The following SLIT3 variants were observed in gnomAD, a reference collection of about 807,000 sequenced individuals.
SLIT3 encodes the protein slit guidance ligand 3, also known as slit homolog 3 protein.
In SLIT3, 68 loss-of-function variants were observed where a neutral mutation model predicts 184.0. The observed-to-expected ratio is 0.37, with a 90% CI of 0.30 to 0.45. SLIT3 has a LOEUF of 0.45. Ranked by LOEUF, SLIT3 falls within the 20% of genes least tolerant of loss-of-function variation. The probability of loss-of-function intolerance (pLI) is 1.00; values close to 1 mark genes in which losing one functional copy is unlikely to be tolerated. For synonymous variants in SLIT3, 831 were observed against 828.6 expected, an observed-to-expected ratio of 1.00 and a Z score of -0.05; for missense variants, 1,707 against 2,026.0, an observed-to-expected ratio of 0.84 and a Z score of 3.02.
chr5:169,161,826 G>T (rs1215133092), intron 4 of SLIT3, among the ~76,000 whole-genome samples: 1 of 152,080 alleles, frequency 6.6e-6, no homozygotes, highest in Non-Finnish European at 1.5e-5. Flanking sequence ...CTGGATTATA[G>T]CCCAGCTCTG....
intron 4 of SLIT3, among the ~76,000 whole-genome samples, chr5:169,190,632 G>A (rs1483801578): frequency 6.6e-6 from 1 of 152,134 alleles, no homozygotes; most frequent in Non-Finnish European, 1.5e-5. Flanking sequence ...GAAATATTAA[G>A]TAGTTTTGCC....
Position 169,021,554 on chromosome 5 carries a change from T to A in SLIT3, c.414-138218A>T, listed in dbSNP as rs183066541. 8.6e-4 allele frequency among the ~76,000 whole-genome samples: 131 copies of A among 152,246 alleles called. 1 individual carries two copies. Among genetic ancestry groups the A allele is most frequent in the African/African-American group, 3.1e-3 (127 of 41,556 alleles). ...TTAGTAGAGACGGGGTTTCACCATG[T>A]TGGCCAGGCTGGTCTCGAACTCCTG... On this transcript the variant is annotated intron_variant, in intron 4 of 35. Transcript: ENST00000519560.
rs1335684066 is a variant in SLIT3 at position 169,295,043 on chromosome 5, T to C, written c.197+5470A>G. Among the ~76,000 whole-genome samples the C allele has an allele frequency of 2.0e-5, 3 of 152,330 alleles. 1 individual carries two copies. The highest frequency in any genetic ancestry group is 4.8e-5 in the African/African-American group (2 of 41,576). On this transcript the variant is annotated intron_variant, in intron 1 of 35. Coordinates refer to ENST00000519560, the MANE Select transcript of SLIT3 (RefSeq NM_003062.4). ...TCAGTGAGTGAGTGCTGAGTGAATG[T>C]GAAGGCCTAGGACATTACTGTACAC...
At chr5:168,746,912 T>C (rs1754481733) in intron 20 of SLIT3, among the ~76,000 whole-genome samples, 3 of 78,352 alleles carry the variant, frequency 3.8e-5, no homozygotes, top group Non-Finnish European at 5.0e-5. Context: ...GTGAGTGTGG[T>C]GGTGTGGGTG....
intron 4 of SLIT3, among the ~76,000 whole-genome samples, chr5:169,162,557 C>G (rs912874244): frequency 2.6e-5 from 4 of 152,152 alleles, no homozygotes; most frequent in Non-Finnish European, 5.9e-5. Flanking sequence ...AAAGCATATT[C>G]CCTAATTATC....
rs1554130340 is a variant in SLIT3, at chr5:168,666,157, C to CTATT, written c.*293_*296dup. On this transcript the variant is annotated 3_prime_UTR_variant, in exon 36 of 36. Coordinates refer to ENST00000519560, the MANE Select transcript of SLIT3 (RefSeq NM_003062.4). ...ATTTTTTTCTTAAATTTTTAAACAGCTATTTTTAAAAACACAACAAATACA... is the reference window on the plus strand; with the variant it reads ...ATTTTTTTCTTAAATTTTTAAACAGCTATTTATTTTTAAAAACACAACAAATACA... The CTATT allele has an allele frequency of 2.1e-5, 5 of 239,588 alleles. No homozygotes were observed. Among genetic ancestry groups the CTATT allele is most frequent in the African/African-American group, 8.9e-5 (4 of 44,852 alleles). 14.8% of individuals were successfully genotyped at this position (239,588 alleles called of 1,614,324 possible). A position where few individuals can be genotyped will look rare whatever the true frequency, so the allele number is the denominator to read the frequency against.
chr5:168,938,223 A>T (rs889190093), intron 4 of SLIT3, among the ~76,000 whole-genome samples: 2 of 152,340 alleles, frequency 1.3e-5, no homozygotes, highest in East Asian at 3.9e-4. Flanking sequence ...TTCTGGCTAA[A>T]TACTAGGCAA....
intron 10 of SLIT3, among the ~76,000 whole-genome samples, chr5:168,794,174 T>G (rs1317261011): frequency 2.0e-5 from 3 of 152,122 alleles, no homozygotes; most frequent in East Asian, 3.9e-4. Flanking sequence ...ATCAGCCTCG[T>G]GTGGAAGGAA....
intron 4 of SLIT3, among the ~76,000 whole-genome samples, chr5:169,044,591 G>GC (rs1182294333): frequency 6.6e-6 from 1 of 151,604 alleles, no homozygotes; most frequent in Non-Finnish European, 1.5e-5. Flanking sequence ...GGAAGGTGGG[G>GC]GGGGGGATGG....
chr5:168,975,618 G>T (rs1362317080), intron 4 of SLIT3, among the ~76,000 whole-genome samples: 1 of 152,128 alleles, frequency 6.6e-6, no homozygotes, highest in Non-Finnish European at 1.5e-5. Flanking sequence ...TGTATAGAAG[G>T]AAGGAGATTT....
chr5:169,228,756 G>C (rs1282281836), intron 3 of SLIT3, among the ~76,000 whole-genome samples: 1 of 152,076 alleles, frequency 6.6e-6, no homozygotes, highest in Non-Finnish European at 1.5e-5. Flanking sequence ...TTCCTAGTTA[G>C]AACCTTAATT....
At chr5:168,834,735 G>A (rs1167566951) in intron 6 of SLIT3, among the ~76,000 whole-genome samples, 3 of 146,640 alleles carry the variant, frequency 2.0e-5, no homozygotes, top group Non-Finnish European at 4.5e-5. Flanking sequence ...AGATGGAGGT[G>A]GAAGGTGAGG....
chr5:168,973,976 C>T (rs969565195), intron 4 of SLIT3, among the ~76,000 whole-genome samples: 1 of 152,150 alleles, frequency 6.6e-6, no homozygotes. Flanking sequence ...ATGAAAAATA[C>T]GGGTAACTAG....
At chr5:168,941,569 T>C (rs796897439) in intron 4 of SLIT3, among the ~76,000 whole-genome samples, 5 of 152,342 alleles carry the variant, frequency 3.3e-5, no homozygotes, top group African/African-American at 1.2e-4. Flanking sequence ...ATTCTCCTTA[T>C]CATACATTTG....
At chr5:168,883,378 G>T in intron 4 of SLIT3, 42 bp from the exon 5 acceptor site, 1 of 1,472,548 alleles carries the variant, frequency 6.8e-7, no homozygotes, top group Non-Finnish European at 9.5e-7. Context: ...AAAGACCCAG[G>T]CTGTCTTGAT....
At chr5:169,142,036 C>G (rs924421411) in intron 4 of SLIT3, among the ~76,000 whole-genome samples, 6 of 146,032 alleles carry the variant, frequency 4.1e-5, no homozygotes, top group Non-Finnish European at 8.9e-5. Flanking sequence ...GGCGGCAGAG[C>G]GAGACTCCTA....
intron 3 of SLIT3, among the ~76,000 whole-genome samples, chr5:169,244,089 TC>T (rs1426190239): frequency 2.0e-5 from 3 of 152,218 alleles, no homozygotes; most frequent in Admixed American, 1.3e-4. Flanking sequence ...TCCATTCCCA[TC>T]CCTTTTCCTC....
chr5:168,765,949 A>T (rs1037452858), intron 14 of SLIT3, among the ~76,000 whole-genome samples: 21 of 152,164 alleles, frequency 1.4e-4, no homozygotes, highest in South Asian at 2.1e-4. Flanking sequence ...AGGAGGTGGA[A>T]ATTACAGCAA....
chr5:169,166,351 G>A (rs749073059), intron 4 of SLIT3, among the ~76,000 whole-genome samples: 7 of 152,092 alleles, frequency 4.6e-5, no homozygotes, highest in South Asian at 2.1e-4. Context: ...ATTTAGCAGC[G>A]GGCACATCAA....
Sources: gnomAD v4.1 joint callset for allele counts (sites outside exome capture counted in the v4.1 genomes callset) on GRCh38, gnomAD v4.1.1 for gene constraint, MANE v1.5 for transcripts, NCBI Gene and HGNC (gene_info 2026-07-23, HGNC 2026-07-21) for gene names.